The following CCSER1 variants were observed in gnomAD, a reference collection of about 807,000 sequenced individuals.
CCSER1 encodes serine-rich coiled-coil domain-containing protein 1.
In CCSER1, 41 loss-of-function variants were observed where a neutral mutation model predicts 82.0. The observed-to-expected ratio is 0.50, with a 90% confidence interval of 0.39 to 0.65. The LOEUF is 0.65. Among genes scored for constraint, CCSER1 ranks in the 30% least tolerant of loss-of-function variants. CCSER1 has a pLI of 0.00. For missense variants in CCSER1, 1,119 were observed against 1,064.2 expected (o/e 1.05, Z -0.72); for synonymous variants, 414 against 383.9 (o/e 1.08, Z -0.92).
At chr4:90,414,489 T>C (rs1012865597) in intron 4 of CCSER1, among the ~76,000 whole-genome samples, 2 of 152,120 alleles carry the variant, frequency 1.3e-5, no homozygotes, top group African/African-American at 4.8e-5. Context: ...TTATAAAGCA[T>C]ATATGATCAA....
chr4:90,307,085 G>A (rs533714115), intron 1 of CCSER1, among the ~76,000 whole-genome samples: 1 of 152,192 alleles, frequency 6.6e-6, no homozygotes, highest in East Asian at 1.9e-4. Flanking sequence ...ATGACATTAT[G>A]CAAGTTGCTT....
At chr4:90,452,207 T>G (rs187202642) in intron 4 of CCSER1, among the ~76,000 whole-genome samples, 1 of 151,810 alleles carries the variant, frequency 6.6e-6, no homozygotes, top group Admixed American at 6.6e-5. Flanking sequence ...TCTAAGGGGG[T>G]TTTTTTGAGG....
At chr4:91,086,032 A>G in intron 10 of CCSER1, 38 bp downstream of exon 10, 2 of 1,250,376 alleles carry the variant, frequency 1.6e-6, no homozygotes, top group Non-Finnish European at 2.3e-6. Flanking sequence ...GAAAAAGAGG[A>G]AACATGGCTA....
chr4:90,165,380 T>C (rs115818646), intron 1 of CCSER1, among the ~76,000 whole-genome samples: 297 of 152,154 alleles, frequency 2.0e-3, no homozygotes, highest in African/African-American at 6.9e-3. Flanking sequence ...AATGTTTAGT[T>C]TGGGGAATGT....
intron 10 of CCSER1, among the ~76,000 whole-genome samples, chr4:91,515,926 C>A (rs1760090555): frequency 6.8e-6 from 1 of 147,166 alleles, no homozygotes; most frequent in Non-Finnish European, 1.5e-5. Context: ...GAAGGTATCT[C>A]ATTGTCGTTT....
intron 3 of CCSER1, among the ~76,000 whole-genome samples, chr4:90,376,673 G>A (rs1326289239): frequency 6.6e-6 from 1 of 152,076 alleles, no homozygotes; most frequent in Admixed American, 6.6e-5. Flanking sequence ...TGCTTTATGG[G>A]ATAAATTGAA....
chr4:90,174,622 AC>A (rs1732322897), intron 1 of CCSER1, among the ~76,000 whole-genome samples: 1 of 151,986 alleles, frequency 6.6e-6, no homozygotes, highest in Non-Finnish European at 1.5e-5. Context: ...AATACAGAGT[AC>A]CGAGGAAGGA....
intron 5 of CCSER1, among the ~76,000 whole-genome samples, chr4:90,518,425 G>A (rs919823467): frequency 2.0e-4 from 30 of 151,944 alleles, no homozygotes; most frequent in Admixed American, 3.9e-4. Context: ...TTTTCTACTA[G>A]GATATTAACA....
chr4:90,520,480 T>C (rs562636398), intron 5 of CCSER1, among the ~76,000 whole-genome samples: 52 of 152,312 alleles, frequency 3.4e-4, no homozygotes, highest in African/African-American at 1.2e-3. Context: ...ACATTGTGTT[T>C]AAGCATGTAG....
At chr4:91,180,523 C>T (rs1733916921) in intron 10 of CCSER1, among the ~76,000 whole-genome samples, 1 of 152,214 alleles carries the variant, frequency 6.6e-6, no homozygotes, top group African/African-American at 2.4e-5. Flanking sequence ...ACGCCCCTTC[C>T]CCAGCCTGGC....
At chr4:90,895,888 A>T (rs1379861259) in intron 8 of CCSER1, among the ~76,000 whole-genome samples, 2 of 151,924 alleles carry the variant, frequency 1.3e-5, no homozygotes, top group Non-Finnish European at 2.9e-5. Flanking sequence ...TTTATAAGGG[A>T]CCAATGAAAC....
At chr4:90,649,519 G>T (rs1227871429) in intron 6 of CCSER1, 1 of 152,164 alleles carries the variant, frequency 6.6e-6, no homozygotes, top group Non-Finnish European at 1.5e-5. Context: ...TCTCTACCAT[G>T]TGAGGACACA....
chr4:91,071,276 TAATA>T lies in CCSER1; in HGVS notation c.2173-14670_2173-14667del, dbSNP rs1379958119. On this transcript the variant is annotated intron_variant, in intron 9 of 10. Coordinates refer to ENST00000509176, the MANE Select transcript of CCSER1 (RefSeq NM_001145065.2). Reference sequence around the variant, plus strand: ...ATGGAAAGATGATAACACACAATAATAATAAATTTATACAGTGTGTTAAAATGTT... The same window carrying T: ...ATGGAAAGATGATAACACACAATAATAATTTATACAGTGTGTTAAAATGTT... Among the ~76,000 whole-genome samples the T allele has an allele frequency of 6.6e-5, 10 of 152,288 alleles. No homozygotes were observed. In the East Asian group the frequency reaches 1.7e-3, roughly 26 times the overall value.
intron 3 of CCSER1, among the ~76,000 whole-genome samples, chr4:90,354,758 TG>T (rs1443739832): frequency 1.3e-5 from 2 of 152,130 alleles, no homozygotes; most frequent in Non-Finnish European, 2.9e-5. Flanking sequence ...AACTAGCATG[TG>T]GCCTTAGAAA....
intron 1 of CCSER1, among the ~76,000 whole-genome samples, chr4:90,269,397 C>A (rs762746834): frequency 3.3e-5 from 5 of 151,880 alleles, no homozygotes; most frequent in African/African-American, 4.8e-5. Flanking sequence ...GAAAGATGTA[C>A]AACACATGGA....
intron 9 of CCSER1, among the ~76,000 whole-genome samples, chr4:90,948,686 C>T (rs1732548527): frequency 6.6e-6 from 1 of 151,968 alleles, no homozygotes; most frequent in Admixed American, 6.6e-5. Context: ...TGCATATTTA[C>T]ATGCATTCTT....
At chr4:90,319,854 A>C (rs563435421) in intron 3 of CCSER1, among the ~76,000 whole-genome samples, 49 of 152,330 alleles carry the variant, frequency 3.2e-4, no homozygotes, top group African/African-American at 8.4e-4. Flanking sequence ...AATGGAAGCC[A>C]TTAATATTTT....
At chr4:90,757,615 T>C (rs1201856794) in intron 7 of CCSER1, among the ~76,000 whole-genome samples, 4 of 152,110 alleles carry the variant, frequency 2.6e-5, no homozygotes, top group Non-Finnish European at 5.9e-5. Flanking sequence ...GGGCACTTAA[T>C]CCATTCAACC....
At chr4:91,270,975 G>C (rs1741982301) in intron 10 of CCSER1, among the ~76,000 whole-genome samples, 1 of 152,070 alleles carries the variant, frequency 6.6e-6, no homozygotes. Flanking sequence ...TTCTCTACTG[G>C]ATTTATTAAG....
Sources: allele counts gnomAD v4.1 joint callset (sites outside exome capture counted in the v4.1 genomes callset), GRCh38; gene constraint gnomAD v4.1.1; transcripts MANE v1.5; gene names NCBI Gene and HGNC (gene_info 2026-07-23, HGNC 2026-07-21).